Variants in ANK1 observed in about 807,000 individuals in gnomAD.
ANK1 encodes the protein ankyrin 1, also known as ankyrin-1.
In ANK1, 51 loss-of-function variants were observed where a neutral mutation model predicts 210.4. That is an observed-to-expected ratio of 0.24 (90% CI 0.19 to 0.31). ANK1 has a LOEUF of 0.31. ANK1 is among the 10% of genes least tolerant of loss of function. The probability of loss-of-function intolerance (pLI) is 1.00; values close to 1 mark genes in which losing one functional copy is unlikely to be tolerated. For synonymous variants in ANK1, 967 were observed against 1,025.9 expected (o/e 0.94, Z 1.10); for missense variants, 2,051 against 2,504.4 (o/e 0.82, Z 3.86).
At chr8:41,842,971 T>A (rs1398488274) in intron 1 of ANK1, among the ~76,000 whole-genome samples, 1 of 152,046 alleles carries the variant, frequency 6.6e-6, no homozygotes, top group Non-Finnish European at 1.5e-5. Context: ...CTCAGCCTCC[T>A]GAGTAGCTGG....
intron 42 of ANK1, chr8:41,660,505 A>G (rs1245094673): frequency 4.3e-6 from 2 of 464,786 alleles, no homozygotes; most frequent in East Asian, 1.4e-4. Flanking sequence ...TCAGTACAGG[A>G]TGCCCCAGGG....
intron 1 of ANK1, among the ~76,000 whole-genome samples, chr8:41,822,602 G>C (rs893559764): frequency 2.0e-5 from 3 of 152,172 alleles, no homozygotes; most frequent in African/African-American, 7.2e-5. Context: ...TGGATACACA[G>C]AAGCTCTAAT....
chr8:41,699,441 G>C lies in ANK1; in HGVS notation c.2558+11C>G, dbSNP rs1358807307. 4 of 1,613,580 alleles carry C rather than the reference G, an allele frequency of 2.5e-6. No individual in the cohort carries two copies. Among genetic ancestry groups the C allele is most frequent in the Non-Finnish European group, 3.4e-6 (4 of 1,179,740 alleles). ...GGCACCCCCGGGGACCCTCCCGGGA[G>C]CACTGCTCACACTTGGTCTAGCTTC... On this transcript the variant is annotated intron_variant, in intron 23 of 42. Transcript: ENST00000289734.
At chr8:41,735,574 G>A (rs556227747) in intron 2 of ANK1, among the ~76,000 whole-genome samples, 55 of 152,152 alleles carry the variant, frequency 3.6e-4, no homozygotes, top group African/African-American at 1.1e-3. Flanking sequence ...CCTGACTCAC[G>A]TCCCCAAATA....
At chr8:41,701,104 A>G (rs528690194) in intron 22 of ANK1, among the ~76,000 whole-genome samples, 1 of 152,318 alleles carries the variant, frequency 6.6e-6, no homozygotes, top group South Asian at 2.1e-4. Flanking sequence ...GAAATAACCC[A>G]AAACCTATTG....
At chr8:41,749,194 A>G (rs1274038813) in intron 2 of ANK1, among the ~76,000 whole-genome samples, 1 of 151,886 alleles carries the variant, frequency 6.6e-6, no homozygotes, top group Admixed American at 6.6e-5. Context: ...GAATTTATTC[A>G]TTTTGGTTAG....
chr8:41,798,181 G>T (rs1242664352), upstream of ANK1, among the ~76,000 whole-genome samples: 2 of 151,856 alleles, frequency 1.3e-5, no homozygotes, highest in Non-Finnish European at 2.9e-5. Flanking sequence ...GGGCGCAGGA[G>T]TCCTTCTGGC....
At chr8:41,785,858 G>T (rs1846248240) in intron 1 of ANK1, among the ~76,000 whole-genome samples, 1 of 152,250 alleles carries the variant, frequency 6.6e-6, no homozygotes, top group Non-Finnish European at 1.5e-5. Flanking sequence ...AGCCTTGCTC[G>T]GCCCTTCTGG....
At chr8:41,675,850 C>G (rs534137722) in intron 37 of ANK1, among the ~76,000 whole-genome samples, 1 of 152,324 alleles carries the variant, frequency 6.6e-6, no homozygotes, top group African/African-American at 2.4e-5. Context: ...TTTACATAAA[C>G]GGATTCATAC....
At chr8:41,792,052 C>A (rs116433469) in intron 1 of ANK1, among the ~76,000 whole-genome samples, 9 of 152,226 alleles carry the variant, frequency 5.9e-5, no homozygotes, top group Non-Finnish European at 8.8e-5. Context: ...GCTGCTCAGC[C>A]GGGCCCATTA....
chr8:41,712,424 G>C (rs1014527095), intron 16 of ANK1, among the ~76,000 whole-genome samples: 5 of 152,208 alleles, frequency 3.3e-5, no homozygotes, highest in Non-Finnish European at 7.3e-5. Flanking sequence ...TTAAAATTGA[G>C]ATACAAGTGC....
intron 1 of ANK1, among the ~76,000 whole-genome samples, chr8:41,785,683 G>C (rs533351978): frequency 6.6e-6 from 1 of 152,332 alleles, no homozygotes; most frequent in Admixed American, 6.5e-5. Context: ...GCATCCCTGA[G>C]GGTCTCCATC....
chr8:41,703,184 A>G (rs1168674873), intron 20 of ANK1, among the ~76,000 whole-genome samples: 3 of 151,690 alleles, frequency 2.0e-5, no homozygotes, highest in East Asian at 3.9e-4. Context: ...ATTTCACAGA[A>G]CTTCCACATG....
chr8:41,802,958 G>GA (rs1563809466), intron 1 of ANK1, among the ~76,000 whole-genome samples: 2 of 50,492 alleles, frequency 4.0e-5, no homozygotes, highest in East Asian at 4.6e-4. Flanking sequence ...AGGGGGGGGG[G>GA]GAGAGAGAGA....
intron 1 of ANK1, among the ~76,000 whole-genome samples, chr8:41,827,189 A>G (rs1457832398): frequency 6.6e-6 from 1 of 152,042 alleles, no homozygotes; most frequent in African/African-American, 2.4e-5. Context: ...TTTTGTTTCT[A>G]TGCAAAAGTG....
chr8:41,685,913 C>A (rs1311459457), intron 36 of ANK1, among the ~76,000 whole-genome samples: 1 of 152,224 alleles, frequency 6.6e-6, no homozygotes, highest in Non-Finnish European at 1.5e-5. Flanking sequence ...CTGTGCCAGG[C>A]CTTGCAATTT....
chr8:41,784,706 T>C (rs1338669493), intron 1 of ANK1, among the ~76,000 whole-genome samples: 1 of 152,244 alleles, frequency 6.6e-6, no homozygotes, highest in Non-Finnish European at 1.5e-5. Context: ...AGAAACCTCA[T>C]GGTGAAGGTT....
intron 1 of ANK1, among the ~76,000 whole-genome samples, chr8:41,771,760 T>A (rs905957122): frequency 1.3e-5 from 2 of 152,130 alleles, no homozygotes; most frequent in Non-Finnish European, 2.9e-5. Flanking sequence ...GCAGGGATGA[T>A]GTGGGAGAGA....
At position 41,776,089 on chromosome 8, in the gene ANK1, G is replaced by A. The variant is rs28705109; in HGVS notation, c.28-17952C>T. Among the ~76,000 whole-genome samples, 1,030 of 152,264 alleles carry A rather than the reference G, an allele frequency of 6.8e-3. 16 individuals carry two copies. The highest frequency in any genetic ancestry group is 0.024 in the African/African-American group (989 of 41,548). On this transcript the variant is annotated intron_variant, in intron 1 of 42. Transcript: ENST00000289734. Reference sequence around the variant, plus strand: ...AGTAACATGATGCCTGATGCCTGGGGTGGTGCATGAAACACAGTAAAGGGG... The same window carrying A: ...AGTAACATGATGCCTGATGCCTGGGATGGTGCATGAAACACAGTAAAGGGG...
Sources: allele counts gnomAD v4.1 joint callset (sites outside exome capture counted in the v4.1 genomes callset), GRCh38; gene constraint gnomAD v4.1.1; transcripts MANE v1.5; gene names NCBI Gene and HGNC (gene_info 2026-07-23, HGNC 2026-07-21).